DLC1: variants seen among roughly 807,000 people sequenced by gnomAD.
The protein encoded by DLC1 is rho GTPase-activating protein 7.
DLC1 carries 54 observed loss-of-function variants against 140.3 expected under a neutral mutation model. The observed-to-expected ratio is 0.38, with a 90% CI of 0.31 to 0.48. DLC1 has a LOEUF of 0.48. Among genes scored for constraint, DLC1 ranks in the 20% least tolerant of loss-of-function variants. DLC1 has a pLI of 0.96. For missense variants in DLC1, 2,536 were observed against 1,907.0 expected (o/e 1.33, Z -6.14); for synonymous variants, 986 against 728.1 (o/e 1.35, Z -5.70).
At chr8:13,457,676 CAAA>C (rs34916262) in intron 2 of DLC1, among the ~76,000 whole-genome samples, 10 of 54,870 alleles carry the variant, frequency 1.8e-4, no homozygotes, top group Admixed American at 1.7e-3. Flanking sequence ...GACTCCATCT[CAAA>C]AAAAAAAAAA....
chr8:13,281,827 G>A (rs1203295851), intron 5 of DLC1, among the ~76,000 whole-genome samples: 1 of 152,182 alleles, frequency 6.6e-6, no homozygotes, highest in African/African-American at 2.4e-5. Flanking sequence ...CCTTTTGACT[G>A]CTGAATTTCA....
intron 2 of DLC1, among the ~76,000 whole-genome samples, chr8:13,459,316 C>T (rs976622605): frequency 3.9e-5 from 6 of 152,094 alleles, no homozygotes; most frequent in African/African-American, 1.4e-4. Flanking sequence ...AGGGTGTTGA[C>T]CTTCTCTGGA....
chr8:13,508,653 C>T (rs963768654), intron 1 of DLC1, among the ~76,000 whole-genome samples: 5 of 152,020 alleles, frequency 3.3e-5, no homozygotes, highest in Admixed American at 6.5e-5. Context: ...CTCCTGACCT[C>T]GTGATCTGCC....
intron 2 of DLC1, among the ~76,000 whole-genome samples, chr8:13,479,527 G>A (rs893032277): frequency 6.6e-6 from 1 of 152,132 alleles, no homozygotes; most frequent in Non-Finnish European, 1.5e-5. Flanking sequence ...AAAAGTTATG[G>A]CTTCTCAGAT....
intron 2 of DLC1, among the ~76,000 whole-genome samples, chr8:13,453,471 C>CAT (rs1319699981): frequency 0.045 from 540 of 12,000 alleles, 8 homozygotes; most frequent in Middle Eastern, 0.083. Flanking sequence ...TATATATATA[C>CAT]ATATATATGT....
At chr8:13,152,371 T>C (rs1462321329) in intron 5 of DLC1, among the ~76,000 whole-genome samples, 2 of 152,212 alleles carry the variant, frequency 1.3e-5, no homozygotes, top group Non-Finnish European at 2.9e-5. Context: ...ATTCTGAGTT[T>C]ATATAACCCA....
At chr8:13,324,805 A>T (rs971425547) in intron 4 of DLC1, among the ~76,000 whole-genome samples, 5 of 152,116 alleles carry the variant, frequency 3.3e-5, no homozygotes, top group Non-Finnish European at 7.3e-5. Context: ...ATTTAAGCCA[A>T]CCAAAATGCA....
At position 13,407,219 on chromosome 8, in the gene DLC1, C is replaced by T. The variant is rs550066312; in HGVS notation, c.1024-5600G>A. On this transcript the variant is annotated intron_variant, in intron 2 of 17. Coordinates refer to ENST00000276297, the MANE Select transcript of DLC1 (RefSeq NM_182643.3). Reference sequence around the variant, plus strand: ...TTGGAAGAGCTATTTAGTTCCTGGGCAGTGAAGCCTCTTTGATTGCAGTGG... The same window carrying T: ...TTGGAAGAGCTATTTAGTTCCTGGGTAGTGAAGCCTCTTTGATTGCAGTGG... Among the ~76,000 whole-genome samples, 125 of 152,298 alleles carry T rather than the reference C, an allele frequency of 8.2e-4. 1 individual carries two copies. The highest frequency in any genetic ancestry group is 2.9e-3 in the African/African-American group (119 of 41,574).
chr8:13,571,585 G>A (rs754326001), intron 1 of DLC1, among the ~76,000 whole-genome samples: 8 of 152,120 alleles, frequency 5.3e-5, no homozygotes, highest in East Asian at 1.9e-4. Flanking sequence ...TACGTGTAAC[G>A]TGTATGTGTA....
In DLC1 at chr8:13,148,766, G is replaced by A. The variant is rs557084540; in HGVS notation, c.1349-33109C>T. Reference sequence around the variant, plus strand: ...GCATTTACTTGACAGCAAACACCTAGCTGGCCAGTAATGAGGTGATAATTT... The same window carrying A: ...GCATTTACTTGACAGCAAACACCTAACTGGCCAGTAATGAGGTGATAATTT... On this transcript the variant is annotated intron_variant, in intron 5 of 17. Transcript: ENST00000276297. Among the ~76,000 whole-genome samples, 3 of 152,190 alleles carry A rather than the reference G, an allele frequency of 2.0e-5. No homozygotes were observed. In the South Asian group the frequency reaches 6.2e-4, roughly 32 times the overall value.
intron 4 of DLC1, among the ~76,000 whole-genome samples, chr8:13,391,312 A>C (rs1007136341): frequency 4.6e-5 from 7 of 152,188 alleles, no homozygotes; most frequent in Non-Finnish European, 8.8e-5. Context: ...GAGTTGTGGC[A>C]TGACTAGAAA....
intron 5 of DLC1, among the ~76,000 whole-genome samples, chr8:13,230,583 CT>C (rs1427438477): frequency 1.4e-5 from 2 of 147,522 alleles, no homozygotes; most frequent in Admixed American, 6.8e-5. Context: ...TAGATTTTTT[CT>C]TTTTTCTTTT....
rs1262591881 is a variant in DLC1 at position 13,091,389 on chromosome 8, C to G, written c.3784G>C (p.Asp1262His). The change falls in exon 14 of 18, where the codon GAT becomes CAT. Residue 1262 changes from aspartate to histidine, a missense_variant. Physicochemically the swap from Asp to His is moderately conservative, Grantham distance 81 (BLOSUM62 -1). Coordinates refer to ENST00000276297, the MANE Select transcript of DLC1 (RefSeq NM_182643.3). ...KQSLGKPDQK[D>H]LNENLAATQG... ...GTGGCAGCTAGGTTTTCATTCAAATCTTTCTGATCTGGTTTGCCCAAACTT... is the reference window on the plus strand; with the variant it reads ...GTGGCAGCTAGGTTTTCATTCAAATGTTTCTGATCTGGTTTGCCCAAACTT... The G allele has an allele frequency of 1.9e-6, 3 of 1,614,000 alleles. No individual in the cohort carries two copies. Among genetic ancestry groups the G allele is most frequent in the African/African-American group, 1.3e-5 (1 of 74,902 alleles).
chr8:13,207,409 ACGG>A (rs1448882284), intron 5 of DLC1, among the ~76,000 whole-genome samples: 1 of 152,142 alleles, frequency 6.6e-6, no homozygotes, highest in Non-Finnish European at 1.5e-5. Context: ...TTCTACCTTC[ACGG>A]CTTTTAAAAT....
intron 7 of DLC1, among the ~76,000 whole-genome samples, chr8:13,109,336 TG>T (rs1819868197): frequency 6.6e-6 from 1 of 152,016 alleles, no homozygotes; most frequent in African/African-American, 2.4e-5. Context: ...GATGGATGAC[TG>T]CTTGAGCCCA....
intron 4 of DLC1, among the ~76,000 whole-genome samples, chr8:13,383,479 T>C (rs938566402): frequency 6.6e-6 from 1 of 152,234 alleles, no homozygotes; most frequent in Non-Finnish European, 1.5e-5. Context: ...TCTTGAACTT[T>C]GAACAGATGC....
chr8:13,457,687 A>G lies in DLC1; in HGVS notation c.1023+41362T>C, dbSNP rs1029671743. ...GCAAGACTCCATCTCAAAAAAAAAA[A>G]AAAAAAAAAAAAAAGAAATAAAAAC... is the stretch of plus-strand genomic sequence containing the variant. On this transcript the variant is annotated intron_variant, in intron 2 of 17. Coordinates refer to ENST00000276297, the MANE Select transcript of DLC1 (RefSeq NM_182643.3). 2.6e-3 allele frequency among the ~76,000 whole-genome samples: 395 copies of G among 150,922 alleles called. 1 individual carries two copies. Among genetic ancestry groups the G allele is most frequent in the African/African-American group, 9.1e-3 (374 of 41,254 alleles).
At chr8:13,351,377 A>C (rs1834655743) in intron 4 of DLC1, among the ~76,000 whole-genome samples, 1 of 152,254 alleles carries the variant, frequency 6.6e-6, no homozygotes, top group Non-Finnish European at 1.5e-5. Context: ...CACACTGGTG[A>C]TATGCTACAC....
At chr8:13,351,499 T>A (rs1281166080) in intron 4 of DLC1, among the ~76,000 whole-genome samples, 5 of 152,198 alleles carry the variant, frequency 3.3e-5, no homozygotes, top group Non-Finnish European at 7.3e-5. Flanking sequence ...AACTACATTT[T>A]TTGGATGTTT....
Sources: allele counts gnomAD v4.1 joint callset (sites outside exome capture counted in the v4.1 genomes callset), GRCh38; gene constraint gnomAD v4.1.1; transcripts MANE v1.5; gene names NCBI Gene and HGNC (gene_info 2026-07-23, HGNC 2026-07-21).